Variants in RAD51B observed in about 807,000 individuals in gnomAD.
RAD51B encodes the protein DNA repair protein RAD51 homolog 2.
A neutral mutation model predicts 42.2 loss-of-function variants in RAD51B; 38 were observed. That is an observed-to-expected ratio of 0.90 (90% CI 0.70 to 1.18). The LOEUF is 1.18. RAD51B is among the 50% of genes most tolerant of loss of function. The probability of loss-of-function intolerance (pLI) is 0.00; values close to 1 mark genes in which losing one functional copy is unlikely to be tolerated. For synonymous variants in RAD51B, 154 were observed against 145.2 expected (o/e 1.06, Z -0.43); for missense variants, 373 against 400.7 (o/e 0.93, Z 0.59).
intron 7 of RAD51B, among the ~76,000 whole-genome samples, chr14:67,929,590 G>A (rs890235833): frequency 1.3e-5 from 2 of 152,076 alleles, no homozygotes; most frequent in African/African-American, 4.8e-5. Flanking sequence ...TGTCTGTTAG[G>A]TCCATTTGGT....
chr14:67,970,387 A>T (rs2074872584), intron 7 of RAD51B, among the ~76,000 whole-genome samples: 1 of 152,118 alleles, frequency 6.6e-6, no homozygotes, highest in South Asian at 2.1e-4. Context: ...ACTTACATAA[A>T]AGCAAAGGTT....
At chr14:68,669,981 T>C (rs545835514) in intron 11 of RAD51B, among the ~76,000 whole-genome samples, 228 of 152,236 alleles carry the variant, frequency 1.5e-3, no homozygotes, top group Non-Finnish European at 2.3e-3. Context: ...GGGCTCAGAT[T>C]AATGGCACGG....
chr14:68,051,742 G>A (rs2076396777), intron 7 of RAD51B, among the ~76,000 whole-genome samples: 1 of 152,008 alleles, frequency 6.6e-6, no homozygotes, highest in Non-Finnish European at 1.5e-5. Flanking sequence ...AGGACTACAG[G>A]TGCACATGAC....
chr14:68,609,951 C>T (rs1233667288), intron 10 of RAD51B, among the ~76,000 whole-genome samples: 1 of 152,088 alleles, frequency 6.6e-6, no homozygotes, highest in South Asian at 2.1e-4. Flanking sequence ...TTACCTGCTC[C>T]TCTGCTGGCC....
chr14:68,252,708 T>G (rs2080662927), intron 7 of RAD51B, among the ~76,000 whole-genome samples: 1 of 152,194 alleles, frequency 6.6e-6, no homozygotes, highest in South Asian at 2.1e-4. Flanking sequence ...TTGATGGATA[T>G]TTAGGTGGCG....
At position 68,126,260 on chromosome 14, in the gene RAD51B, G is replaced by C. The variant is rs185329171; in HGVS notation, c.757-165624G>C. On this transcript the variant is annotated intron_variant, in intron 7 of 10. Transcript: ENST00000471583. The stretch of plus-strand genomic sequence containing the variant: ...AATAGCACTTCCCTTAGTTTATGTA[G>C]CCTTGTTTCCTGAGCATGTTTGCTG... Among the ~76,000 whole-genome samples the C allele has an allele frequency of 4.0e-3, 601 of 152,096 alleles. 2 individuals carry two copies. Among genetic ancestry groups the C allele is most frequent in the Non-Finnish European group, 6.0e-3 (405 of 67,994 alleles).
chr14:68,169,775 G>A lies in RAD51B; in HGVS notation c.757-122109G>A, dbSNP rs78130779. Among the ~76,000 whole-genome samples, 387 of 152,174 alleles carry A rather than the reference G, an allele frequency of 2.5e-3. 7 individuals are homozygous for A. The highest frequency in any genetic ancestry group is 0.016 in the East Asian group (83 of 5,188). The stretch of plus-strand genomic sequence containing the variant: ...ATGGATATATGTTGATCTGATGGGC[G>A]TATTTTGAATTAGAGGTTCTAATAT... On this transcript the variant is annotated intron_variant, in intron 7 of 10. Coordinates refer to ENST00000471583, the MANE Select transcript of RAD51B (RefSeq NM_133510.4).
At chr14:68,470,759 G>C (rs903683237) in intron 10 of RAD51B, 1 of 423,470 alleles carries the variant, frequency 2.4e-6, no homozygotes, top group African/African-American at 2.0e-5. Flanking sequence ...ATGAGTTTGT[G>C]TGGGGGCTGC....
intron 11 of RAD51B, among the ~76,000 whole-genome samples, chr14:68,669,379 A>G (rs554945030): frequency 2.0e-4 from 30 of 152,322 alleles, no homozygotes; most frequent in African/African-American, 6.3e-4. Context: ...CACGTAGGCC[A>G]CATCTAGAGA....
At chr14:67,967,505 G>A (rs2074805151) in intron 7 of RAD51B, among the ~76,000 whole-genome samples, 1 of 152,170 alleles carries the variant, frequency 6.6e-6, no homozygotes, top group African/African-American at 2.4e-5. Flanking sequence ...CACAATAAGG[G>A]TACAGGCATT....
At chr14:68,005,273 C>T (rs932616959) in intron 7 of RAD51B, among the ~76,000 whole-genome samples, 4 of 151,830 alleles carry the variant, frequency 2.6e-5, no homozygotes, top group South Asian at 2.1e-4. Flanking sequence ...AGGCTGATCT[C>T]GAACTCCTGA....
intron 8 of RAD51B, among the ~76,000 whole-genome samples, chr14:68,398,995 T>G (rs1412844868): frequency 2.0e-5 from 3 of 152,214 alleles, no homozygotes; most frequent in African/African-American, 7.2e-5. Context: ...TTCATCAGGT[T>G]TGGGATGGGG....
At chr14:68,128,674 A>G (rs1291826694) in intron 7 of RAD51B, among the ~76,000 whole-genome samples, 1 of 152,188 alleles carries the variant, frequency 6.6e-6, no homozygotes, top group Non-Finnish European at 1.5e-5. Flanking sequence ...CCTAGGTGAC[A>G]GAGTGAGACC....
At chr14:68,142,606 A>G (rs1481987275) in intron 7 of RAD51B, among the ~76,000 whole-genome samples, 1 of 152,206 alleles carries the variant, frequency 6.6e-6, no homozygotes, top group Admixed American at 6.5e-5. Flanking sequence ...TTGTAAATCA[A>G]CATGACAGGA....
chr14:67,990,256 A>C (rs1356050243), intron 7 of RAD51B, among the ~76,000 whole-genome samples: 1 of 152,094 alleles, frequency 6.6e-6, no homozygotes, highest in Non-Finnish European at 1.5e-5. Context: ...TCACCTCTGA[A>C]AGTGCTGGGA....
At chr14:67,880,592 T>A (rs1280976279) in intron 5 of RAD51B, among the ~76,000 whole-genome samples, 1 of 152,176 alleles carries the variant, frequency 6.6e-6, no homozygotes, top group Non-Finnish European at 1.5e-5. Flanking sequence ...CTTGAGCAAA[T>A]GTAGAAGATT....
At chr14:68,470,512 GC>G in intron 10 of RAD51B, 3 of 489,252 alleles carry the variant, frequency 6.1e-6, no homozygotes, top group Non-Finnish European at 1.2e-5. Context: ...TCTGGGCCTT[GC>G]TTTTGTCAGC....
At chr14:68,489,423 A>G (rs1883898469) in intron 10 of RAD51B, among the ~76,000 whole-genome samples, 1 of 152,352 alleles carries the variant, frequency 6.6e-6, no homozygotes, top group South Asian at 2.1e-4. Context: ...TATTTAATGC[A>G]TGTAAGTACC....
chr14:68,403,479 G>A (rs2084176413), intron 8 of RAD51B, among the ~76,000 whole-genome samples: 1 of 152,176 alleles, frequency 6.6e-6, no homozygotes, highest in South Asian at 2.1e-4. Flanking sequence ...TTCTCATTAA[G>A]AGCTTTCCAA....
Sources: gnomAD v4.1 joint callset for allele counts (sites outside exome capture counted in the v4.1 genomes callset) on GRCh38, gnomAD v4.1.1 for gene constraint, MANE v1.5 for transcripts, NCBI Gene and HGNC (gene_info 2026-07-23, HGNC 2026-07-21) for gene names.